KIAA0232: variants seen among roughly 807,000 people sequenced by gnomAD.
KIAA0232 encodes the protein uncharacterized protein KIAA0232.
In KIAA0232, 27 loss-of-function variants were observed where a neutral mutation model predicts 122.0. The ratio of observed to expected loss-of-function variants is 0.22; its 90% CI spans 0.16 to 0.31. KIAA0232 has a LOEUF of 0.31. KIAA0232 is among the 10% of genes least tolerant of loss of function. KIAA0232 has a pLI of 1.00. For synonymous variants in KIAA0232, 613 were observed against 587.6 expected, an observed-to-expected ratio of 1.04 and a Z score of -0.63; for missense variants, 1,551 against 1,634.2, an observed-to-expected ratio of 0.95 and a Z score of 0.88.
At chr4:6,874,328 A>G (rs1044480998) in intron 8 of KIAA0232, among the ~76,000 whole-genome samples, 1 of 152,206 alleles carries the variant, frequency 6.6e-6, no homozygotes, top group Non-Finnish European at 1.5e-5. Context: ...GCCTGCAGGG[A>G]GAGGTGCCAG....
At chr4:6,791,087 C>G (rs1716872800) in intron 1 of KIAA0232, among the ~76,000 whole-genome samples, 1 of 149,970 alleles carries the variant, frequency 6.7e-6, no homozygotes, top group African/African-American at 2.4e-5. Flanking sequence ...CCCAGATAAT[C>G]TTTTGTATTT....
chr4:6,812,877 C>T (rs1717940573), intron 2 of KIAA0232, among the ~76,000 whole-genome samples: 1 of 152,070 alleles, frequency 6.6e-6, no homozygotes, highest in South Asian at 2.1e-4. Flanking sequence ...TTTATGCAGC[C>T]ATGTCAGAAA....
At position 6,861,232 on chromosome 4, in the gene KIAA0232, C is replaced by T. The variant is rs1188142882; in HGVS notation, c.850C>T (p.Arg284Cys). The change falls in exon 7 of 10, where the codon CGC (arginine) becomes TGC (cysteine). Residue 284 changes from arginine to cysteine, a missense_variant. By Grantham distance (180) the Arg-to-Cys change is radical (BLOSUM62 -3). Coordinates refer to ENST00000307659, the MANE Select transcript of KIAA0232 (RefSeq NM_014743.3). ...QIRHKPEGKI[R>C]PRSWSSGSSE... is the part of the protein sequence containing the mutation. ...CCGACATAAACCTGAAGGAAAGATT[C>T]GCCCTCGCTCGTGGTCTTCTGGCTC... 9 of 1,613,948 alleles carry T rather than the reference C, an allele frequency of 5.6e-6. No individual in the cohort carries two copies. Among genetic ancestry groups the T allele is most frequent in the South Asian group, 1.1e-5 (1 of 91,082 alleles).
At position 6,883,234 on chromosome 4, in the gene KIAA0232, G is replaced by C. The variant is rs901699136; in HGVS notation, c.*2268G>C. The C allele has an allele frequency of 3.3e-5, 5 of 152,636 alleles. No individual in the cohort carries two copies. The East Asian group carries it at 5.8e-4, about 18-fold the overall frequency. The allele number at this position is 152,636 out of a possible 1,614,324, so 9.5% of individuals were successfully genotyped here. On this transcript the variant is annotated 3_prime_UTR_variant, in exon 10 of 10. Transcript: ENST00000307659. ...CGCATTGCATTTCCATAGCACTGAAGTACCAGTTTCCATTCCTGGGCTGAG... is the reference window on the plus strand; with the variant it reads ...CGCATTGCATTTCCATAGCACTGAACTACCAGTTTCCATTCCTGGGCTGAG...
chr4:6,798,166 A>T (rs993855983), intron 1 of KIAA0232, among the ~76,000 whole-genome samples: 1 of 152,224 alleles, frequency 6.6e-6, no homozygotes, highest in African/African-American at 2.4e-5. Flanking sequence ...TAGGGCACAT[A>T]CATGATGGCC....
chr4:6,811,850 T>C (rs1717896775), intron 2 of KIAA0232, among the ~76,000 whole-genome samples: 1 of 151,604 alleles, frequency 6.6e-6, no homozygotes, highest in Non-Finnish European at 1.5e-5. Context: ...TTTAACCTTT[T>C]CCCTCAGTTT....
At chr4:6,806,237 A>T (rs1354747812) in intron 2 of KIAA0232, among the ~76,000 whole-genome samples, 1 of 152,226 alleles carries the variant, frequency 6.6e-6, no homozygotes, top group Non-Finnish European at 1.5e-5. Flanking sequence ...AAGTGAACTA[A>T]ATGTCTACAT....
rs370094987 is a variant in KIAA0232, at chr4:6,833,188, C to T, written c.231+8504C>T. Among the ~76,000 whole-genome samples, 7 of 152,320 alleles carry T rather than the reference C, an allele frequency of 4.6e-5. No homozygotes were observed. The East Asian group carries it at 7.7e-4, about 17-fold the overall frequency. ...AAAAGTCTGACCATAAAGCGCTCCT[C>T]GTGTGTGTCACTGCATACACTGTAT... On this transcript the variant is annotated intron_variant, in intron 3 of 9. Coordinates refer to ENST00000307659, the MANE Select transcript of KIAA0232 (RefSeq NM_014743.3).
At chr4:6,791,568 A>G (rs1716895613) in intron 1 of KIAA0232, among the ~76,000 whole-genome samples, 1 of 151,996 alleles carries the variant, frequency 6.6e-6, no homozygotes, top group Non-Finnish European at 1.5e-5. Flanking sequence ...AACTCAAGCG[A>G]TGCTCCTGCC....
chr4:6,784,621 C>T (rs1213962383), intron 1 of KIAA0232, among the ~76,000 whole-genome samples: 3 of 152,168 alleles, frequency 2.0e-5, no homozygotes, highest in Non-Finnish European at 4.4e-5. Flanking sequence ...CTTAATATAT[C>T]TTATAACTCA....
chr4:6,822,773 T>A (rs1289920495), intron 2 of KIAA0232, among the ~76,000 whole-genome samples: 1 of 151,858 alleles, frequency 6.6e-6, no homozygotes, highest in Non-Finnish European at 1.5e-5. Flanking sequence ...TTTCTTTTTT[T>A]TTTTTTAATT....
At chr4:6,865,760 C>G (rs1356968195) in intron 7 of KIAA0232, among the ~76,000 whole-genome samples, 3 of 152,204 alleles carry the variant, frequency 2.0e-5, no homozygotes, top group African/African-American at 7.2e-5. Context: ...CATATACCAC[C>G]TCCTTCACTG....
intron 1 of KIAA0232, among the ~76,000 whole-genome samples, chr4:6,784,825 T>C (rs543871052): frequency 6.6e-6 from 1 of 152,368 alleles, no homozygotes; most frequent in African/African-American, 2.4e-5. Context: ...CAGGTGCTTT[T>C]TTGTTTGCTT....
intron 3 of KIAA0232, among the ~76,000 whole-genome samples, chr4:6,832,271 T>C (rs751045194): frequency 2.3e-4 from 35 of 152,326 alleles, no homozygotes; most frequent in Non-Finnish European, 4.6e-4. Flanking sequence ...ATGACATTTT[T>C]TATTACCTGA....
At position 6,861,797 on chromosome 4, in the gene KIAA0232, A is replaced by T; in HGVS notation, c.1415A>T (p.Glu472Val). ...AGTFIDGHFV[E>V]MPAVINEDID... is the part of the protein sequence containing the mutation. Reference sequence around the variant, plus strand: ...ACTTTCATTGATGGTCATTTTGTAGAAATGCCTGCAGTTATAAATGAGGAT... The same window carrying T: ...ACTTTCATTGATGGTCATTTTGTAGTAATGCCTGCAGTTATAAATGAGGAT... The change falls in exon 7 of 10, where the codon GAA becomes GTA. Residue 472 changes from glutamate to valine, a missense_variant. Glu to Val is a moderately radical substitution (Grantham distance 121). Transcript: ENST00000307659. 6.2e-7 allele frequency: 1 copy of T among 1,614,154 alleles called. No individual in the cohort carries two copies. The highest frequency in any genetic ancestry group is 2.2e-5 in the East Asian group (1 of 44,878).
At chr4:6,785,023 C>A (rs1250146450) in intron 1 of KIAA0232, among the ~76,000 whole-genome samples, 1 of 151,732 alleles carries the variant, frequency 6.6e-6, no homozygotes, top group African/African-American at 2.4e-5. Flanking sequence ...CTGCAACCTC[C>A]GCCCGCCGGG....
chr4:6,865,315 T>C (rs1168882491), intron 7 of KIAA0232, among the ~76,000 whole-genome samples: 2 of 152,244 alleles, frequency 1.3e-5, no homozygotes, highest in Admixed American at 6.5e-5. Context: ...TTGTTTTGTT[T>C]TGGGGACAGA....
intron 2 of KIAA0232, among the ~76,000 whole-genome samples, chr4:6,807,605 C>A (rs563248457): frequency 3.0e-4 from 46 of 152,300 alleles, no homozygotes; most frequent in African/African-American, 1.1e-3. Context: ...CTAGGGTAAA[C>A]CGGTTTACAT....
At chr4:6,835,466 T>C (rs1360592165) in intron 3 of KIAA0232, among the ~76,000 whole-genome samples, 2 of 152,182 alleles carry the variant, frequency 1.3e-5, no homozygotes, top group Non-Finnish European at 2.9e-5. Context: ...AGAATTAGGA[T>C]TTCTTTTTAT....
Sources: allele counts gnomAD v4.1 joint callset (sites outside exome capture counted in the v4.1 genomes callset), GRCh38; gene constraint gnomAD v4.1.1; transcripts MANE v1.5; gene names NCBI Gene and HGNC (gene_info 2026-07-23, HGNC 2026-07-21).